NFXL1: variants seen among roughly 807,000 people sequenced by gnomAD.
NFXL1 encodes nuclear transcription factor, X-box binding like 1, also known as NF-X1-type zinc finger protein NFXL1.
A neutral mutation model predicts 123.3 loss-of-function variants in NFXL1; 66 were observed. The observed-to-expected ratio is 0.54, with a 90% CI of 0.44 to 0.66. The LOEUF is 0.66. Among genes scored for constraint, NFXL1 ranks in the 30% least tolerant of loss-of-function variants. The probability of loss-of-function intolerance (pLI) is 0.00; values close to 1 mark genes in which losing one functional copy is unlikely to be tolerated. For missense variants in NFXL1, 944 were observed against 1,125.6 expected, an observed-to-expected ratio of 0.84 and a Z score of 2.31; for synonymous variants, 346 against 360.8, an observed-to-expected ratio of 0.96 and a Z score of 0.46.
intron 18 of NFXL1, among the ~76,000 whole-genome samples, chr4:47,865,629 C>A (rs752394091): frequency 3.3e-5 from 5 of 152,004 alleles, no homozygotes; most frequent in African/African-American, 4.8e-5. Context: ...GAAAAAGGTC[C>A]CCCTAAATAT....
At chr4:47,892,214 G>A (rs1355578117) in intron 11 of NFXL1, among the ~76,000 whole-genome samples, 1 of 152,210 alleles carries the variant, frequency 6.6e-6, no homozygotes, top group Non-Finnish European at 1.5e-5. Flanking sequence ...CCTAACAGAA[G>A]GGAAACAAAC....
chr4:47,904,397 A>G (rs1737473178), intron 4 of NFXL1, among the ~76,000 whole-genome samples: 1 of 152,198 alleles, frequency 6.6e-6, no homozygotes, highest in Non-Finnish European at 1.5e-5. Flanking sequence ...TGAGAGGCGG[A>G]AAAAACGCAC....
rs750247387 is a variant in NFXL1 at position 47,913,957 on chromosome 4, A to T, written c.235+12T>A. ...GCATCCAGGTGAGCACGCGGGCGGG[A>T]GCCATTCTCACCGCTGGCTGCGGTA... On this transcript the variant is annotated intron_variant, in intron 2 of 22. Coordinates refer to ENST00000507489, the MANE Select transcript of NFXL1 (RefSeq NM_001278624.2). The T allele has an allele frequency of 3.6e-5, 56 of 1,534,612 alleles. No homozygotes were observed. The highest frequency in any genetic ancestry group is 4.8e-5 in the Non-Finnish European group (55 of 1,136,928).
At chr4:47,898,244 T>C (rs1363379557) in intron 8 of NFXL1, among the ~76,000 whole-genome samples, 163 bp from the exon 9 acceptor site, 1 of 152,192 alleles carries the variant, frequency 6.6e-6, no homozygotes, top group Non-Finnish European at 1.5e-5. Flanking sequence ...TATGTATATA[T>C]AGATACATAT....
chr4:47,899,322 GAAGA>G (rs1430759153), intron 6 of NFXL1, 44 bp downstream of exon 6: 3 of 1,484,764 alleles, frequency 2.0e-6, no homozygotes, highest in Non-Finnish European at 9.2e-7. Context: ...CTCAATATAA[GAAGA>G]AATAATCACC....
At chr4:47,890,839 T>C in intron 11 of NFXL1, 136 bp from the exon 12 acceptor site, 1 of 586,668 alleles carries the variant, frequency 1.7e-6, no homozygotes, top group East Asian at 2.9e-5. Flanking sequence ...AATATCAACA[T>C]TCTTCTGGTA....
chr4:47,848,351 C>T lies in NFXL1; in HGVS notation c.2563-15G>A, dbSNP rs1289792754. ...TCTAGTTCAGCCTAAATAAAAACAG[C>T]ATCATTTTAATTAAATTCAATGCAT... On this transcript the variant is annotated splice_polypyrimidine_tract_variant and intron_variant, in intron 22 of 22. Coordinates refer to ENST00000507489, the MANE Select transcript of NFXL1 (RefSeq NM_001278624.2). 3.8e-6 allele frequency: 6 copies of T among 1,569,568 alleles called. No homozygotes were observed. In the Middle Eastern group the frequency reaches 5.1e-4, roughly 134 times the overall value.
In NFXL1 at chr4:47,847,545, A is replaced by T. The variant is rs1342249048; in HGVS notation, c.*618T>A. ...CCAACTTCAGTTAAAAGCTTCTTAC[A>T]TAAGAAATAGCCACATGTGAGGAAT... On this transcript the variant is annotated 3_prime_UTR_variant, in exon 23 of 23. Transcript: ENST00000507489. 2.0e-5 allele frequency: 3 copies of T among 152,294 alleles called. No individual in the cohort carries two copies. The highest frequency in any genetic ancestry group is 6.5e-5 in the Admixed American group (1 of 15,282). 9.4% of individuals were successfully genotyped at this position (152,294 alleles called of 1,614,324 possible). A position where few individuals can be genotyped will look rare whatever the true frequency, so the allele number is the denominator to read the frequency against.
chr4:47,847,574 G>A lies in NFXL1; in HGVS notation c.*589C>T, dbSNP rs1733881498. On this transcript the variant is annotated 3_prime_UTR_variant, in exon 23 of 23. Transcript: ENST00000507489. ...GAAATAGCCACATGTGAGGAATCTA[G>A]CCTGGCATTTGTTGAAAATAACTAT... 6.6e-6 allele frequency: 1 copy of A among 152,462 alleles called. No individual in the cohort carries two copies. The highest frequency in any genetic ancestry group is 1.9e-4 in the East Asian group (1 of 5,188). The allele number at this position is 152,462 out of a possible 1,614,324, so 9.4% of individuals were successfully genotyped here.
At chr4:47,864,051 T>TC (rs1437606913) in intron 18 of NFXL1, among the ~76,000 whole-genome samples, 1 of 152,212 alleles carries the variant, frequency 6.6e-6, no homozygotes, top group Non-Finnish European at 1.5e-5. Flanking sequence ...AAATATACTC[T>TC]AAGATATTTC....
rs557423622 is a variant in NFXL1 at position 47,863,201 on chromosome 4, T to C, written c.2247-286A>G. Among the ~76,000 whole-genome samples the C allele has an allele frequency of 1.2e-4, 18 of 152,106 alleles. 1 individual carries two copies. The highest frequency in any genetic ancestry group is 9.8e-4 in the Admixed American group (15 of 15,304). On this transcript the variant is annotated intron_variant, in intron 18 of 22. Coordinates refer to ENST00000507489, the MANE Select transcript of NFXL1 (RefSeq NM_001278624.2). ...TCATCTGGGCCTGGCCTCTCTTTAATAGTTCCTGTAACTATCTTTCCCTAT... is the reference window on the plus strand; with the variant it reads ...TCATCTGGGCCTGGCCTCTCTTTAACAGTTCCTGTAACTATCTTTCCCTAT...
intron 3 of NFXL1, 30 bp downstream of exon 3, chr4:47,910,794 G>A (rs1006703591): frequency 8.4e-6 from 12 of 1,426,342 alleles, no homozygotes; most frequent in Middle Eastern, 2.5e-4. Flanking sequence ...TTTCATTGAC[G>A]TCAAAAGTCA....
chr4:47,889,178 T>C (rs1474983263), intron 12 of NFXL1, among the ~76,000 whole-genome samples: 2 of 152,222 alleles, frequency 1.3e-5, no homozygotes, highest in African/African-American at 4.8e-5. Flanking sequence ...TCTTTTAATG[T>C]GGTAAATTAC....
chr4:47,908,886 T>C lies in NFXL1; in HGVS notation c.406+1938A>G, dbSNP rs545511222. Among the ~76,000 whole-genome samples the C allele has an allele frequency of 2.2e-5, 3 of 137,660 alleles. 1 individual carries two copies. The East Asian group carries it at 6.3e-4, about 29-fold the overall frequency. The allele number at this position is 137,660 out of a possible 152,430, so 90.3% of individuals were successfully genotyped here. A position where few individuals can be genotyped will look rare whatever the true frequency, so the allele number is the denominator to read the frequency against. On this transcript the variant is annotated intron_variant, in intron 3 of 22. Transcript: ENST00000507489. Reference sequence around the variant, plus strand: ...AGGAGATTGGCATGAACCCGGGTGGTGGAGCTTGCAGTGAGCTGAGATTGC... The same window carrying C: ...AGGAGATTGGCATGAACCCGGGTGGCGGAGCTTGCAGTGAGCTGAGATTGC...
chr4:47,899,133 A>G lies in NFXL1; in HGVS notation c.827-13T>C. 1 of 1,383,066 alleles carries G rather than the reference A, an allele frequency of 7.2e-7. No homozygotes were observed. Among genetic ancestry groups the G allele is most frequent in the South Asian group, 1.4e-5 (1 of 70,174 alleles). The allele number at this position is 1,383,066 out of a possible 1,614,324, so 85.7% of individuals were successfully genotyped here. ...GGAGGGCAGGGACCTAGAATTCAGT[A>G]AAAGCAAAAAAAAAAAAAAAAAAAA... On this transcript the variant is annotated splice_polypyrimidine_tract_variant and intron_variant, in intron 6 of 22. Coordinates refer to ENST00000507489, the MANE Select transcript of NFXL1 (RefSeq NM_001278624.2).
chr4:47,849,943 G>A (rs1271764080), intron 22 of NFXL1, among the ~76,000 whole-genome samples: 1 of 119,480 alleles, frequency 8.4e-6, no homozygotes, highest in Non-Finnish European at 1.8e-5. Flanking sequence ...TTTAAAATGC[G>A]TATTATTTAT....
intron 22 of NFXL1, among the ~76,000 whole-genome samples, chr4:47,848,969 C>T (rs1448687891): frequency 6.6e-6 from 1 of 152,134 alleles, no homozygotes; most frequent in Non-Finnish European, 1.5e-5. Flanking sequence ...TGGTCTTATA[C>T]ATTGACACCA....
At position 47,866,700 on chromosome 4, in the gene NFXL1, C is replaced by T. The variant is rs1008573474; in HGVS notation, c.2247-3785G>A. 2.6e-5 allele frequency among the ~76,000 whole-genome samples: 4 copies of T among 152,340 alleles called. No individual in the cohort carries two copies. In the East Asian group the frequency reaches 7.7e-4, roughly 29 times the overall value. On this transcript the variant is annotated intron_variant, in intron 18 of 22. Coordinates refer to ENST00000507489, the MANE Select transcript of NFXL1 (RefSeq NM_001278624.2). ...TTGTAAGACTAGCCCTTGGCTGGTG[C>T]TTGGGAATCTGGATTTCAGGAAGGT...
chr4:47,877,668 A>C (rs904142972), intron 17 of NFXL1, among the ~76,000 whole-genome samples: 2 of 152,108 alleles, frequency 1.3e-5, no homozygotes, highest in African/African-American at 4.8e-5. Context: ...TAAAAGCAAT[A>C]CATTTACACA....
Sources: gnomAD v4.1 joint callset for allele counts (sites outside exome capture counted in the v4.1 genomes callset) on GRCh38, gnomAD v4.1.1 for gene constraint, MANE v1.5 for transcripts, NCBI Gene and HGNC (gene_info 2026-07-23, HGNC 2026-07-21) for gene names.